Variants in THADA observed in about 807,000 individuals in gnomAD.
The protein encoded by THADA is THADA armadillo repeat containing, also known as tRNA (32-2'-O)-methyltransferase regulator THADA.
In THADA, 213 loss-of-function variants were observed where a neutral mutation model predicts 219.8. That is an observed-to-expected ratio of 0.97 (90% CI 0.87 to 1.09). The LOEUF (loss-of-function observed/expected upper bound fraction) is 1.09, where lower values mean the gene tolerates loss of function less well. Ranked by LOEUF, THADA falls within the 50% of genes least tolerant of loss-of-function variation. The pLI, the probability that THADA is intolerant of heterozygous loss-of-function variation, is 0.00. For synonymous variants in THADA, 1,018 were observed against 828.9 expected, an observed-to-expected ratio of 1.23 and a Z score of -3.92; for missense variants, 2,956 against 2,311.3, an observed-to-expected ratio of 1.28 and a Z score of -5.72.
intron 16 of THADA, among the ~76,000 whole-genome samples, chr2:43,558,267 A>G (rs1697630757): frequency 1.3e-5 from 2 of 152,184 alleles, no homozygotes; most frequent in South Asian, 2.1e-4. Context: ...CCTTAGAGAG[A>G]TCAGGTTAGC....
At chr2:43,248,262 C>G (rs1381498904) in intron 36 of THADA, among the ~76,000 whole-genome samples, 1 of 148,234 alleles carries the variant, frequency 6.7e-6, no homozygotes, top group African/African-American at 2.5e-5. Context: ...CGGAGTCTCG[C>G]TCTGTCACCC....
chr2:43,464,428 C>A (rs1258094221), intron 26 of THADA, among the ~76,000 whole-genome samples: 1 of 152,090 alleles, frequency 6.6e-6, no homozygotes, highest in Non-Finnish European at 1.5e-5. Flanking sequence ...GCATTCCTAG[C>A]CAAATAAATG....
At chr2:43,549,587 CA>C (rs972128730) in intron 19 of THADA, among the ~76,000 whole-genome samples, 9 of 151,724 alleles carry the variant, frequency 5.9e-5, no homozygotes, top group African/African-American at 2.2e-4. Context: ...AATATAACAA[CA>C]AAAAAAACTC....
At chr2:43,444,168 T>C (rs886241930) in intron 26 of THADA, among the ~76,000 whole-genome samples, 3 of 152,022 alleles carry the variant, frequency 2.0e-5, no homozygotes, top group Non-Finnish European at 2.9e-5. Context: ...ACCAGTTTTA[T>C]GTTTTGATGT....
At chr2:43,238,644 CAA>C (rs1668311762) in intron 36 of THADA, among the ~76,000 whole-genome samples, 1 of 152,116 alleles carries the variant, frequency 6.6e-6, no homozygotes, top group Admixed American at 6.5e-5. Context: ...CACATCCACA[CAA>C]AAACTTGTAC....
At chr2:43,504,216 T>C (rs941389552) in intron 24 of THADA, among the ~76,000 whole-genome samples, 1 of 152,084 alleles carries the variant, frequency 6.6e-6, no homozygotes, top group Non-Finnish European at 1.5e-5. Flanking sequence ...TGTCTTGAAG[T>C]GATCATTTTT....
At chr2:43,453,342 T>A (rs1352300782) in intron 26 of THADA, among the ~76,000 whole-genome samples, 1 of 152,172 alleles carries the variant, frequency 6.6e-6, no homozygotes, top group African/African-American at 2.4e-5. Context: ...AGTACTCAAA[T>A]AATAGGATAA....
chr2:43,518,724 T>TAAA (rs747125050), intron 22 of THADA, among the ~76,000 whole-genome samples: 4 of 152,208 alleles, frequency 2.6e-5, no homozygotes, highest in Non-Finnish European at 4.4e-5. Flanking sequence ...TAAGCCTCTT[T>TAAA]AGGAGATCTC....
At chr2:43,386,850 A>AGCAT (rs1672748497) in intron 29 of THADA, among the ~76,000 whole-genome samples, 1 of 149,912 alleles carries the variant, frequency 6.7e-6, no homozygotes, top group Non-Finnish European at 1.5e-5. Context: ...GTGAGCCGAG[A>AGCAT]GCATGCCACT....
At chr2:43,415,600 T>C (rs1289001700) in intron 28 of THADA, among the ~76,000 whole-genome samples, 3 of 152,206 alleles carry the variant, frequency 2.0e-5, no homozygotes, top group Non-Finnish European at 4.4e-5. Flanking sequence ...GGAATATTTA[T>C]CCAAGGTTGG....
chr2:43,285,494 T>C (rs1476982567), intron 35 of THADA, among the ~76,000 whole-genome samples: 1 of 152,120 alleles, frequency 6.6e-6, no homozygotes, highest in Non-Finnish European at 1.5e-5. Context: ...CTCCCAGCCA[T>C]GCTTCCTGTT....
At chr2:43,512,566 G>C (rs1023678101) in intron 22 of THADA, among the ~76,000 whole-genome samples, 2 of 152,184 alleles carry the variant, frequency 1.3e-5, no homozygotes, top group South Asian at 2.1e-4. Flanking sequence ...GCAATGGCGC[G>C]ATCTTGCCTC....
intron 30 of THADA, among the ~76,000 whole-genome samples, chr2:43,335,567 C>T (rs958892084): frequency 3.3e-5 from 5 of 152,104 alleles, no homozygotes; most frequent in Non-Finnish European, 5.9e-5. Flanking sequence ...TTTTAATATA[C>T]AGTTGTAGTA....
At position 43,559,228 on chromosome 2, in the gene THADA, A is replaced by G. The variant is rs1697764706; in HGVS notation, c.2463+1006T>C. ...GAGCACCAGGGAACTTTCTGCTCACAAGGGCACCTGAAAAATCATAGGCAT... is the reference window on the plus strand; with the variant it reads ...GAGCACCAGGGAACTTTCTGCTCACGAGGGCACCTGAAAAATCATAGGCAT... On this transcript the variant is annotated intron_variant, in intron 16 of 37. Transcript: ENST00000405975. Among the ~76,000 whole-genome samples the G allele has an allele frequency of 2.6e-5, 4 of 152,224 alleles. No homozygotes were observed. In the South Asian group the frequency reaches 8.3e-4, roughly 32 times the overall value.
chr2:43,532,180 G>C (rs1352098987), intron 21 of THADA, among the ~76,000 whole-genome samples: 2 of 151,972 alleles, frequency 1.3e-5, no homozygotes, highest in South Asian at 2.1e-4. Flanking sequence ...GGGAGGCTGA[G>C]GCTGGTGGAT....
intron 31 of THADA, among the ~76,000 whole-genome samples, chr2:43,308,934 G>T (rs1677189562): frequency 6.6e-6 from 1 of 151,872 alleles, no homozygotes; most frequent in South Asian, 2.1e-4. Context: ...CTTCACTAGG[G>T]CATAAAAAGT....
intron 29 of THADA, among the ~76,000 whole-genome samples, chr2:43,354,850 G>C (rs1326642250): frequency 6.6e-6 from 1 of 152,142 alleles, no homozygotes; most frequent in Non-Finnish European, 1.5e-5. Flanking sequence ...TGAATCATGG[G>C]GGTGGTTATC....
intron 31 of THADA, among the ~76,000 whole-genome samples, chr2:43,297,867 G>A (rs1343709620): frequency 8.7e-6 from 1 of 114,854 alleles, no homozygotes; most frequent in Non-Finnish European, 1.8e-5. Context: ...CCGTCCGGGA[G>A]GTGAGGGGCG....
At position 43,505,643 on chromosome 2, in the gene THADA, G is replaced by A. The variant is rs201274404; in HGVS notation, c.3600C>T (p.Asp1200=). 3 of 1,594,838 alleles carry A rather than the reference G, an allele frequency of 1.9e-6. No individual in the cohort carries two copies. The highest frequency in any genetic ancestry group is 1.3e-5 in the African/African-American group (1 of 74,830). Reference sequence around the variant, plus strand: ...TTACCTGGGGGACTGTACTCTGTATGTCATCTGTAGGCCCAGCCAAAGAGA... The same window carrying A: ...TTACCTGGGGGACTGTACTCTGTATATCATCTGTAGGCCCAGCCAAAGAGA... ...ELISLAGPTD[D]IQSTVPQVHA... Residue 1200 remains aspartate (D), a synonymous_variant, in exon 24 of 38, where the codon GAC becomes GAT. Transcript: ENST00000405975.
Sources: gnomAD v4.1 joint callset for allele counts (sites outside exome capture counted in the v4.1 genomes callset) on GRCh38, gnomAD v4.1.1 for gene constraint, MANE v1.5 for transcripts, NCBI Gene and HGNC (gene_info 2026-07-23, HGNC 2026-07-21) for gene names.